Variants in FARP2 observed in about 807,000 individuals in gnomAD.
FARP2 encodes the protein FERM, ARH/RhoGEF and pleckstrin domain protein 2, also known as FERM, ARHGEF and pleckstrin domain-containing protein 2.
FARP2 carries 111 observed loss-of-function variants against 130.5 expected under a neutral mutation model. That is an observed-to-expected ratio of 0.85 (90% CI 0.73 to 1.00). FARP2 has a LOEUF of 1.00. FARP2 is among the 50% of genes least tolerant of loss of function. FARP2 has a pLI of 0.00. For synonymous variants in FARP2, 504 were observed against 516.9 expected, an observed-to-expected ratio of 0.98 and a Z score of 0.34; for missense variants, 1,385 against 1,346.3, an observed-to-expected ratio of 1.03 and a Z score of -0.45.
rs746182042 is a variant in FARP2 at position 241,468,138 on chromosome 2, A to G, written c.1894-2A>G. 2 of 1,603,930 alleles carry G rather than the reference A, an allele frequency of 1.2e-6. No individual in the cohort carries two copies. The highest frequency in any genetic ancestry group is 8.5e-7 in the Non-Finnish European group (1 of 1,170,842). On this transcript the variant is annotated splice_acceptor_variant, in intron 17 of 26. Coordinates refer to ENST00000264042, the MANE Select transcript of FARP2 (RefSeq NM_014808.4). LOFTEE classifies it high-confidence loss of function. The stretch of plus-strand genomic sequence containing the variant: ...AAAGGCCCCACTCTTGCGCCTCCAC[A>G]GGAGTTTACCAGCTACTTCCAAAGA...
At chr2:241,372,280 G>C (rs2061441463) in intron 1 of FARP2, among the ~76,000 whole-genome samples, 1 of 152,032 alleles carries the variant, frequency 6.6e-6, no homozygotes, top group African/African-American at 2.4e-5. Context: ...TGTGAGAATG[G>C]GCAGGAGCTG....
At position 241,491,574 on chromosome 2, in the gene FARP2, C is replaced by G; in HGVS notation, c.2682C>G (p.Arg894=). The change falls in exon 24 of 27, where the codon CGC becomes CGG. Residue 894 remains arginine, a synonymous_variant. Coordinates refer to ENST00000264042, the MANE Select transcript of FARP2 (RefSeq NM_014808.4). ...QESEDDARGV[R]SSLEGHGQHR... ...CAGAAGATGATGCTCGGGGTGTCCG[C>G]AGCTCCCTGGAGGGGCATGGCCAGC... The G allele has an allele frequency of 6.2e-7, 1 of 1,613,840 alleles. No homozygotes were observed. The highest frequency in any genetic ancestry group is 8.5e-7 in the Non-Finnish European group (1 of 1,179,994).
chr2:241,422,116 C>T (rs2062823353), intron 8 of FARP2, among the ~76,000 whole-genome samples: 1 of 151,320 alleles, frequency 6.6e-6, no homozygotes, highest in African/African-American at 2.4e-5. Flanking sequence ...CTGCACTCCA[C>T]CCTGGGCAAC....
At chr2:241,460,203 G>T (rs1048190525) in intron 14 of FARP2, among the ~76,000 whole-genome samples, 2 of 152,154 alleles carry the variant, frequency 1.3e-5, no homozygotes, top group African/African-American at 4.8e-5. Context: ...GGGCCTCCCA[G>T]ACCATAAACA....
rs565397468 is a variant in FARP2, at chr2:241,401,790, CT to C, written c.184-2027del. On this transcript the variant is annotated intron_variant, in intron 2 of 26. Coordinates refer to ENST00000264042, the MANE Select transcript of FARP2 (RefSeq NM_014808.4). ...TATGTCATTATTTATTTTACCAATTCTTTTTTTTTTTGAGACGGAGTTTCGC... is the reference window on the plus strand; with the variant it reads ...TATGTCATTATTTATTTTACCAATTCTTTTTTTTTTGAGACGGAGTTTCGC... Among the ~76,000 whole-genome samples, 522 of 137,550 alleles carry C rather than the reference CT, an allele frequency of 3.8e-3. 2 individuals are homozygous for C. The highest frequency in any genetic ancestry group is 0.012 in the African/African-American group (465 of 37,266). The allele number at this position is 137,550 out of a possible 152,430, so 90.2% of individuals were successfully genotyped here. A position where few individuals can be genotyped will look rare whatever the true frequency, so the allele number is the denominator to read the frequency against.
intron 2 of FARP2, among the ~76,000 whole-genome samples, chr2:241,391,978 G>A (rs1245183140): frequency 6.6e-6 from 1 of 152,194 alleles, no homozygotes; most frequent in Non-Finnish European, 1.5e-5. Flanking sequence ...AAAGAATATA[G>A]GACCAGGAGA....
intron 5 of FARP2, among the ~76,000 whole-genome samples, chr2:241,408,757 G>A (rs537655496): frequency 5.9e-4 from 90 of 152,276 alleles, no homozygotes; most frequent in African/African-American, 2.1e-3. Flanking sequence ...CTGGCTAAAA[G>A]TGTACTCATA....
intron 19 of FARP2, among the ~76,000 whole-genome samples, chr2:241,480,340 A>G (rs1008700926): frequency 6.6e-6 from 1 of 152,172 alleles, no homozygotes; most frequent in African/African-American, 2.4e-5. Context: ...TATGCTGTTA[A>G]ATGTTTGGCT....
intron 17 of FARP2, chr2:241,466,631 C>G (rs2064176583): frequency 1.0e-6 from 1 of 984,460 alleles, no homozygotes; most frequent in Non-Finnish European, 1.2e-6. Flanking sequence ...CCACCTGGCC[C>G]TCACCACCCC....
intron 8 of FARP2, among the ~76,000 whole-genome samples, chr2:241,430,868 C>G (rs146164704): frequency 0.01 from 1,547 of 151,998 alleles, 24 homozygotes; most frequent in African/African-American, 0.036. Flanking sequence ...GGTGTGGTGG[C>G]ACACACCTGT....
At chr2:241,491,200 C>T in intron 23 of FARP2, 21 bp downstream of exon 23, 1 of 1,545,492 alleles carries the variant, frequency 6.5e-7, no homozygotes, top group Non-Finnish European at 8.9e-7. Flanking sequence ...GCCACAACCC[C>T]CCAGGAGACC....
chr2:241,456,575 A>G lies in FARP2; in HGVS notation c.1412-172A>G, dbSNP rs184579411. 1.2e-5 allele frequency: 8 copies of G among 643,442 alleles called. No homozygotes were observed. The East Asian group carries it at 2.0e-4, about 16-fold the overall frequency. 39.9% of individuals were successfully genotyped at this position (643,442 alleles called of 1,614,324 possible). A position where few individuals can be genotyped will look rare whatever the true frequency, so the allele number is the denominator to read the frequency against. ...AACCATCAACCCTCATTTTCATTTT[A>G]TGTCATGTTTAGAATTGTGTGTGAT... On this transcript the variant is annotated intron_variant, in intron 13 of 26. Transcript: ENST00000264042.
intron 1 of FARP2, among the ~76,000 whole-genome samples, chr2:241,365,400 C>T (rs1444507181): frequency 6.6e-6 from 1 of 152,098 alleles, no homozygotes; most frequent in Non-Finnish European, 1.5e-5. Flanking sequence ...TTCATGTACC[C>T]ACAATACCAC....
Position 241,417,606 on chromosome 2 carries a change from A to T in FARP2, c.624-356A>T, listed in dbSNP as rs373193775. On this transcript the variant is annotated intron_variant, in intron 7 of 26. Coordinates refer to ENST00000264042, the MANE Select transcript of FARP2 (RefSeq NM_014808.4). ...CCAAGGTGCTGGGATTACAGGCGTC[A>T]GCCACTGTGCCCGGCCCTCTGTGGT... 2.0e-5 allele frequency among the ~76,000 whole-genome samples: 3 copies of T among 151,354 alleles called. No individual in the cohort carries two copies. The East Asian group carries it at 6.0e-4, about 30-fold the overall frequency.
intron 14 of FARP2, among the ~76,000 whole-genome samples, chr2:241,461,307 C>T (rs1185096648): frequency 3.3e-5 from 5 of 151,410 alleles, no homozygotes; most frequent in Admixed American, 1.3e-4. Context: ...GCTGTCTCGC[C>T]GGGTGGTGCT....
chr2:241,483,738 C>G (rs1272894318), intron 20 of FARP2: 4 of 938,506 alleles, frequency 4.3e-6, no homozygotes, highest in Non-Finnish European at 5.1e-6. Flanking sequence ...CTTCCCCACC[C>G]ACCCCAGGGC....
chr2:241,484,181 G>T, intron 20 of FARP2, 61 bp from the exon 21 acceptor site: 1 of 1,606,690 alleles, frequency 6.2e-7, no homozygotes, highest in Non-Finnish European at 8.5e-7. Flanking sequence ...AGTCCAAGTT[G>T]GTCTGACTAT....
intron 13 of FARP2, chr2:241,456,371 C>T (rs1456158784): frequency 6.0e-6 from 1 of 167,938 alleles, no homozygotes; most frequent in Non-Finnish European, 1.3e-5. Flanking sequence ...AGAAAGTGTT[C>T]CCCCGTCCTG....
At chr2:241,375,325 T>G (rs1414856658) in intron 2 of FARP2, among the ~76,000 whole-genome samples, 1 of 152,150 alleles carries the variant, frequency 6.6e-6, no homozygotes, top group Non-Finnish European at 1.5e-5. Flanking sequence ...TTTACCATTG[T>G]CTAGGCTTGT....
Sources: allele counts gnomAD v4.1 joint callset (sites outside exome capture counted in the v4.1 genomes callset), GRCh38; gene constraint gnomAD v4.1.1; transcripts MANE v1.5; gene names NCBI Gene and HGNC (gene_info 2026-07-23, HGNC 2026-07-21).